The following CAMTA1 variants were observed in gnomAD, a reference collection of about 807,000 sequenced individuals.
CAMTA1 encodes calmodulin binding transcription activator 1.
In CAMTA1, 27 loss-of-function variants were observed where a neutral mutation model predicts 170.9. The observed-to-expected ratio is 0.16, with a 90% CI of 0.12 to 0.22. The LOEUF (loss-of-function observed/expected upper bound fraction) is 0.22, where lower values mean the gene tolerates loss of function less well. CAMTA1 is among the 10% of genes least tolerant of loss of function. The pLI, the probability that CAMTA1 is intolerant of heterozygous loss-of-function variation, is 1.00. For missense variants in CAMTA1, 1,619 were observed against 2,217.2 expected, an observed-to-expected ratio of 0.73 and a Z score of 5.42; for synonymous variants, 833 against 891.5, an observed-to-expected ratio of 0.93 and a Z score of 1.17.
intron 3 of CAMTA1, among the ~76,000 whole-genome samples, chr1:6,891,138 C>T (rs1674419987): frequency 6.6e-6 from 1 of 152,298 alleles, no homozygotes. Context: ...GCAAGCCTCC[C>T]CACCTTGATT....
Position 7,561,656 on chromosome 1 carries a change from G to C in CAMTA1, c.511-78744G>C, listed in dbSNP as rs931435542. The stretch of plus-strand genomic sequence containing the variant: ...TACATGCAGCAGTGGCACAGGATCA[G>C]CAGGCAAGGCTCCATGATGCCCGTC... On this transcript the variant is annotated intron_variant, in intron 6 of 22. Coordinates refer to ENST00000303635, the MANE Select transcript of CAMTA1 (RefSeq NM_015215.4). This position sits in a 1 kb window ranked among gnomAD's most constrained non-coding sequence, Gnocchi z 5.3. Among the ~76,000 whole-genome samples the C allele has an allele frequency of 2.0e-5, 3 of 152,028 alleles. No homozygotes were observed. The highest frequency in any genetic ancestry group is 2.9e-5 in the Non-Finnish European group (2 of 67,982).
intron 6 of CAMTA1, among the ~76,000 whole-genome samples, chr1:7,518,929 G>A (rs767212174): frequency 1.3e-5 from 2 of 151,986 alleles, no homozygotes; most frequent in Non-Finnish European, 2.9e-5. Context: ...ACTTGGGATG[G>A]CTTGGGTCCC....
chr1:7,632,242 G>T (rs993329806), intron 6 of CAMTA1, among the ~76,000 whole-genome samples: 2 of 152,220 alleles, frequency 1.3e-5, no homozygotes, highest in African/African-American at 4.8e-5. Context: ...AGCTTGTGAC[G>T]CAGGCAATGC....
At chr1:6,945,113 C>T (rs2149448479) in intron 3 of CAMTA1, among the ~76,000 whole-genome samples, 1 of 152,246 alleles carries the variant, frequency 6.6e-6, no homozygotes, top group Middle Eastern at 3.4e-3. Flanking sequence ...CCACCTAGAG[C>T]AGTATTTGGC....
At chr1:7,346,092 A>C (rs2084197356) in intron 5 of CAMTA1, among the ~76,000 whole-genome samples, 1 of 152,200 alleles carries the variant, frequency 6.6e-6, no homozygotes, top group Non-Finnish European at 1.5e-5. Context: ...AGTTGGGCTC[A>C]CTTTTAGTGA....
At chr1:7,170,921 A>G (rs189836894) in intron 4 of CAMTA1, among the ~76,000 whole-genome samples, 1 of 152,314 alleles carries the variant, frequency 6.6e-6, no homozygotes, top group East Asian at 1.9e-4. Context: ...GGAACATGGA[A>G]TGTTTTCCAT....
intron 3 of CAMTA1, among the ~76,000 whole-genome samples, chr1:7,081,967 C>G (rs1572905117): frequency 6.6e-6 from 1 of 152,192 alleles, no homozygotes; most frequent in South Asian, 2.1e-4. Flanking sequence ...TCTCATTTCC[C>G]CAGCCATTTG....
At chr1:7,416,776 C>T (rs892322079) in intron 5 of CAMTA1, among the ~76,000 whole-genome samples, 9 of 152,334 alleles carry the variant, frequency 5.9e-5, no homozygotes, top group African/African-American at 9.6e-5. Context: ...AGTCATTCTC[C>T]GTCCAGCTTT....
At chr1:7,006,196 A>C (rs760337549) in intron 3 of CAMTA1, among the ~76,000 whole-genome samples, 48 of 152,204 alleles carry the variant, frequency 3.2e-4, no homozygotes, top group Admixed American at 5.9e-4. Flanking sequence ...TTCCCTGGGC[A>C]ATGGGATATC....
chr1:7,384,362 C>T (rs2149085315), intron 5 of CAMTA1, among the ~76,000 whole-genome samples: 1 of 152,276 alleles, frequency 6.6e-6, no homozygotes, highest in South Asian at 2.1e-4. Flanking sequence ...GGCCAGGGCC[C>T]CCTAAGGCTG....
chr1:7,080,214 C>A (rs1407620895), intron 3 of CAMTA1, among the ~76,000 whole-genome samples: 1 of 152,128 alleles, frequency 6.6e-6, no homozygotes, highest in Non-Finnish European at 1.5e-5. Flanking sequence ...GTGACTTCCC[C>A]CAAATCATAC....
intron 5 of CAMTA1, among the ~76,000 whole-genome samples, chr1:7,398,682 T>G (rs922018626): frequency 6.6e-6 from 1 of 152,166 alleles, no homozygotes; most frequent in Non-Finnish European, 1.5e-5. Context: ...CATTTTTAAG[T>G]GTTTTTTGGC....
chr1:6,861,719 G>A lies in CAMTA1; in HGVS notation c.234+36509G>A, dbSNP rs570226954. Among the ~76,000 whole-genome samples, 31 of 152,214 alleles carry A rather than the reference G, an allele frequency of 2.0e-4. No individual in the cohort carries two copies. In the South Asian group the frequency reaches 6.0e-3, roughly 30 times the overall value. ...AAACTGCTTTAAAAAATTTTTAATT[G>A]TGGTAAAATATACATATATAAAATT... On this transcript the variant is annotated intron_variant, in intron 3 of 22. Coordinates refer to ENST00000303635, the MANE Select transcript of CAMTA1 (RefSeq NM_015215.4).
intron 5 of CAMTA1, among the ~76,000 whole-genome samples, chr1:7,423,178 G>A (rs578087899): frequency 4.6e-5 from 7 of 152,268 alleles, no homozygotes; most frequent in Non-Finnish European, 8.8e-5. Flanking sequence ...TGGTTTAGAA[G>A]CAGTGCACAG....
chr1:7,056,925 T>G (rs545415618), intron 3 of CAMTA1, among the ~76,000 whole-genome samples: 26 of 152,288 alleles, frequency 1.7e-4, no homozygotes, highest in Middle Eastern at 3.4e-3. Flanking sequence ...CTCAGAAGAC[T>G]CTTGGTTATG....
At chr1:7,450,060 C>T (rs999259834) in intron 5 of CAMTA1, among the ~76,000 whole-genome samples, 2 of 152,256 alleles carry the variant, frequency 1.3e-5, no homozygotes, top group East Asian at 3.9e-4. Context: ...AGGATGAAGC[C>T]CCACCAGCCA....
chr1:7,172,243 G>A (rs1378117628), intron 4 of CAMTA1, among the ~76,000 whole-genome samples: 1 of 152,024 alleles, frequency 6.6e-6, no homozygotes, highest in Non-Finnish European at 1.5e-5. Flanking sequence ...TCTGCCTCCT[G>A]GGCTCAAGCG....
intron 3 of CAMTA1, among the ~76,000 whole-genome samples, chr1:7,062,284 T>A (rs1181266499): frequency 6.6e-6 from 1 of 152,228 alleles, no homozygotes; most frequent in Non-Finnish European, 1.5e-5. Flanking sequence ...TGGGTTTAGA[T>A]TCCTGAGACA....
At chr1:7,701,584 T>G (rs551308572) in intron 11 of CAMTA1, among the ~76,000 whole-genome samples, 1 of 151,842 alleles carries the variant, frequency 6.6e-6, no homozygotes, top group Non-Finnish European at 1.5e-5. Context: ...CCCCGCTAAT[T>G]TTTTTTAAAA....
Sources: allele counts gnomAD v4.1 joint callset (sites outside exome capture counted in the v4.1 genomes callset), GRCh38; gene constraint gnomAD v4.1.1; non-coding constraint Gnocchi (gnomAD v3.1); transcripts MANE v1.5; gene names NCBI Gene and HGNC (gene_info 2026-07-23, HGNC 2026-07-21).